MACROD2: variants seen among roughly 807,000 people sequenced by gnomAD.
The protein encoded by MACROD2 is ADP-ribose glycohydrolase MACROD2.
In MACROD2, 36 loss-of-function variants were observed where a neutral mutation model predicts 70.4. That is an observed-to-expected ratio of 0.51 (90% CI 0.39 to 0.68). The LOEUF is 0.68. MACROD2 is among the 30% of genes least tolerant of loss of function. The pLI, the probability that MACROD2 is intolerant of heterozygous loss-of-function variation, is 0.00. For synonymous variants in MACROD2, 172 were observed against 178.8 expected (o/e 0.96, Z 0.30); for missense variants, 496 against 538.4 (o/e 0.92, Z 0.78).
intron 2 of MACROD2, among the ~76,000 whole-genome samples, chr20:14,057,225 T>A (rs1045216332): frequency 6.6e-6 from 1 of 152,306 alleles, no homozygotes; most frequent in Middle Eastern, 3.4e-3. Flanking sequence ...TAGGAAAATG[T>A]TTCTTAAACA....
At chr20:15,090,007 G>C (rs968054616) in intron 5 of MACROD2, among the ~76,000 whole-genome samples, 1 of 152,102 alleles carries the variant, frequency 6.6e-6, no homozygotes, top group South Asian at 2.1e-4. Context: ...CGTAGGATCA[G>C]CTTTCAGAGG....
chr20:14,663,535 C>G (rs1469045345), intron 4 of MACROD2, among the ~76,000 whole-genome samples: 1 of 151,048 alleles, frequency 6.6e-6, no homozygotes, highest in Non-Finnish European at 1.5e-5. Context: ...CACACACACA[C>G]ACACACACAC....
At chr20:15,445,562 A>G (rs1021403518) in intron 7 of MACROD2, among the ~76,000 whole-genome samples, 3 of 152,166 alleles carry the variant, frequency 2.0e-5, no homozygotes, top group African/African-American at 4.8e-5. Context: ...ATGTTTCTGT[A>G]CATAGATTTT....
chr20:15,695,495 C>T (rs933949919), intron 8 of MACROD2, among the ~76,000 whole-genome samples: 1 of 151,362 alleles, frequency 6.6e-6, no homozygotes, highest in African/African-American at 2.4e-5. Flanking sequence ...TGCAACTCCT[C>T]CATCTCCTGG....
chr20:16,039,588 A>G (rs543673074), intron 15 of MACROD2, among the ~76,000 whole-genome samples: 2 of 152,016 alleles, frequency 1.3e-5, no homozygotes, highest in African/African-American at 2.4e-5. Context: ...CTTGCTCCCT[A>G]TTACTTCTGT....
chr20:15,070,302 A>T (rs1309259225), intron 5 of MACROD2, among the ~76,000 whole-genome samples: 1 of 152,156 alleles, frequency 6.6e-6, no homozygotes, highest in Admixed American at 6.5e-5. Context: ...GGTAGAAGGA[A>T]CTTGCCATGG....
chr20:15,346,834 C>G (rs949731919), intron 6 of MACROD2, among the ~76,000 whole-genome samples: 1 of 152,162 alleles, frequency 6.6e-6, no homozygotes, highest in African/African-American at 2.4e-5. Flanking sequence ...TGAAGTCCAG[C>G]AGAGATGGAA....
chr20:15,634,115 C>T (rs1600694719), intron 8 of MACROD2, among the ~76,000 whole-genome samples: 1 of 152,144 alleles, frequency 6.6e-6, no homozygotes, highest in Non-Finnish European at 1.5e-5. Flanking sequence ...AGAAAACAAA[C>T]GATGAGCATA....
chr20:15,773,299 T>A (rs568007069), intron 8 of MACROD2, among the ~76,000 whole-genome samples: 1 of 152,240 alleles, frequency 6.6e-6, no homozygotes, highest in South Asian at 2.1e-4. Flanking sequence ...CAGGGAGTGC[T>A]ATTTTTTTTA....
intron 5 of MACROD2, among the ~76,000 whole-genome samples, chr20:15,003,242 C>T (rs1568921082): frequency 6.6e-6 from 1 of 152,116 alleles, no homozygotes; most frequent in African/African-American, 2.4e-5. Context: ...CCAATGTAGT[C>T]AGGGGAAATA....
chr20:15,833,532 G>A (rs6043565), intron 8 of MACROD2, among the ~76,000 whole-genome samples: 96,895 of 151,970 alleles, frequency 0.64, 31,151 homozygotes, highest in Middle Eastern at 0.73. Context: ...TCCTGTATTG[G>A]CTTTAATTGT....
chr20:14,168,484 C>CT, intron 3 of MACROD2, among the ~76,000 whole-genome samples: 1 of 152,246 alleles, frequency 6.6e-6, no homozygotes, highest in Non-Finnish European at 1.5e-5. Context: ...TTACATACCC[C>CT]TACACAGAGG....
At chr20:14,492,421 G>T (rs1047849780) in intron 3 of MACROD2, among the ~76,000 whole-genome samples, 18 of 152,164 alleles carry the variant, frequency 1.2e-4, no homozygotes, top group African/African-American at 4.1e-4. Flanking sequence ...TCTCTTTAAT[G>T]TAACAACAAT....
intron 4 of MACROD2, among the ~76,000 whole-genome samples, chr20:14,597,591 A>G (rs1254167254): frequency 6.6e-6 from 1 of 152,120 alleles, no homozygotes; most frequent in Non-Finnish European, 1.5e-5. Context: ...TTCAAGGAAA[A>G]TAGAGGAGGC....
chr20:15,957,493 TCTCTCATGAC>T (rs1769760871), intron 12 of MACROD2, among the ~76,000 whole-genome samples: 2 of 152,132 alleles, frequency 1.3e-5, no homozygotes, highest in Non-Finnish European at 2.9e-5. Flanking sequence ...ACCTTGATGC[TCTCTCATGAC>T]CTCTGTTTAA....
chr20:14,467,487 G>C (rs919937496), intron 3 of MACROD2, among the ~76,000 whole-genome samples: 1 of 152,014 alleles, frequency 6.6e-6, no homozygotes, highest in African/African-American at 2.4e-5. Flanking sequence ...TGCTTCCCGG[G>C]TGAGGCGATG....
chr20:14,975,095 C>A (rs1236673625), intron 5 of MACROD2, among the ~76,000 whole-genome samples: 1 of 152,130 alleles, frequency 6.6e-6, no homozygotes, highest in Non-Finnish European at 1.5e-5. Context: ...ATGCCAGTAG[C>A]ATGCACCTCC....
At chr20:14,202,894 CA>C (rs1437633457) in intron 3 of MACROD2, among the ~76,000 whole-genome samples, 1 of 152,044 alleles carries the variant, frequency 6.6e-6, no homozygotes, top group Admixed American at 6.6e-5. Context: ...ATTAAAAATA[CA>C]AAATTACCCG....
At chr20:14,477,428 T>G (rs993997806) in intron 3 of MACROD2, among the ~76,000 whole-genome samples, 1 of 152,158 alleles carries the variant, frequency 6.6e-6, no homozygotes, top group Admixed American at 6.5e-5. Flanking sequence ...GTTTTGAAAT[T>G]TTAAAGTTGT....
Sources: gnomAD v4.1 joint callset for allele counts (sites outside exome capture counted in the v4.1 genomes callset) on GRCh38, gnomAD v4.1.1 for gene constraint, MANE v1.5 for transcripts, NCBI Gene and HGNC (gene_info 2026-07-23, HGNC 2026-07-21) for gene names.